The following SLC26A7 variants were observed in gnomAD, a reference collection of about 807,000 sequenced individuals.
The protein encoded by SLC26A7 is anion exchange transporter.
In SLC26A7, 59 loss-of-function variants were observed where a neutral mutation model predicts 82.5. The ratio of observed to expected loss-of-function variants is 0.72; its 90% CI spans 0.58 to 0.89. The LOEUF is 0.89. Ranked by LOEUF, SLC26A7 falls within the 40% of genes least tolerant of loss-of-function variation. The pLI is 0.00. For synonymous variants in SLC26A7, 271 were observed against 274.3 expected, an observed-to-expected ratio of 0.99 and a Z score of 0.12; for missense variants, 820 against 793.0, an observed-to-expected ratio of 1.03 and a Z score of -0.41.
At chr8:91,283,271 G>C (rs1811622700) in intron 2 of SLC26A7, among the ~76,000 whole-genome samples, 2 of 152,124 alleles carry the variant, frequency 1.3e-5, no homozygotes, top group Admixed American at 6.6e-5. Flanking sequence ...GTCCAGGAGG[G>C]GAGAGAGGGA....
At chr8:91,332,680 G>A (rs1813127161) in intron 5 of SLC26A7, among the ~76,000 whole-genome samples, 1 of 150,996 alleles carries the variant, frequency 6.6e-6, no homozygotes, top group African/African-American at 2.4e-5. Context: ...GCAGGTGCAT[G>A]CCACCATACC....
At chr8:91,390,177 C>G (rs981819207) in intron 16 of SLC26A7, among the ~76,000 whole-genome samples, 3 of 149,654 alleles carry the variant, frequency 2.0e-5, no homozygotes, top group South Asian at 4.3e-4. Context: ...GTGGCGCGAT[C>G]TCGGCTCACT....
chr8:91,308,118 T>A (rs1586390445), intron 4 of SLC26A7, among the ~76,000 whole-genome samples: 2 of 152,304 alleles, frequency 1.3e-5, no homozygotes, highest in South Asian at 2.1e-4. Flanking sequence ...TGAGACTTTT[T>A]AAATTTTTAA....
chr8:91,376,042 G>A (rs1284091108), intron 15 of SLC26A7, among the ~76,000 whole-genome samples: 4 of 152,052 alleles, frequency 2.6e-5, no homozygotes, highest in South Asian at 2.1e-4. Flanking sequence ...TTTCAAATGT[G>A]TTTTGAAATT....
intron 11 of SLC26A7, among the ~76,000 whole-genome samples, chr8:91,358,888 A>C (rs1813962752): frequency 6.6e-6 from 1 of 152,042 alleles, no homozygotes; most frequent in African/African-American, 2.4e-5. Flanking sequence ...CAATGAGAAC[A>C]CTCGGACACA....
intron 2 of SLC26A7, among the ~76,000 whole-genome samples, chr8:91,270,292 T>C (rs777831763): frequency 7.2e-5 from 11 of 152,208 alleles, no homozygotes; most frequent in Non-Finnish European, 1.3e-4. Flanking sequence ...CTTTCCATTC[T>C]GGGGAGAACT....
Position 91,396,305 on chromosome 8 carries a change from C to G in SLC26A7, c.*1208C>G, listed in dbSNP as rs1808572040. ...GCATAGACACATAATTATGCTTAAG[C>G]TTTTAACAGCATTTTAACCGCTCTA... On this transcript the variant is annotated 3_prime_UTR_variant, in exon 19 of 19. Transcript: ENST00000276609. 1 of 151,952 alleles carries G rather than the reference C, an allele frequency of 6.6e-6. No individual in the cohort carries two copies. The highest frequency in any genetic ancestry group is 2.4e-5 in the African/African-American group (1 of 41,406). 9.4% of individuals were successfully genotyped at this position (151,952 alleles called of 1,614,324 possible).
At chr8:91,335,851 G>T (rs948379041) in intron 6 of SLC26A7, among the ~76,000 whole-genome samples, 2 of 152,148 alleles carry the variant, frequency 1.3e-5, no homozygotes, top group Non-Finnish European at 2.9e-5. Context: ...AATTTTCCTA[G>T]TCGTTTATGT....
chr8:91,363,102 A>G (rs1814094945), intron 12 of SLC26A7, among the ~76,000 whole-genome samples: 1 of 152,072 alleles, frequency 6.6e-6, no homozygotes, highest in South Asian at 2.1e-4. Flanking sequence ...TAGAATTTAT[A>G]TATTCAGATT....
In SLC26A7 at chr8:91,366,596, T is replaced by A; in HGVS notation, c.1505T>A (p.Val502Glu). 1 of 1,612,932 alleles carries A rather than the reference T, an allele frequency of 6.2e-7. No individual in the cohort carries two copies. Among genetic ancestry groups the A allele is most frequent in the Non-Finnish European group, 8.5e-7 (1 of 1,179,702 alleles). ...TEMDSETLQQ[V>E]KIISINNPLV... ...CTCCAAAAGGAAACCCTGCAGCAGG[T>A]GAAAATTATCTCAATAAACAACCCG... Residue 502 changes from valine (V) to glutamate (E), a missense_variant, in exon 14 of 19, where the codon GTG (valine) becomes GAG (glutamate). By Grantham distance (121) the Val-to-Glu change is moderately radical. Transcript: ENST00000276609.
intron 15 of SLC26A7, among the ~76,000 whole-genome samples, chr8:91,379,419 A>G (rs1160312348): frequency 6.6e-6 from 1 of 152,134 alleles, no homozygotes; most frequent in African/African-American, 2.4e-5. Context: ...AAGATGTATT[A>G]TAAAGCTCTA....
chr8:91,278,460 G>A (rs1586354799), intron 2 of SLC26A7, among the ~76,000 whole-genome samples: 2 of 152,150 alleles, frequency 1.3e-5, no homozygotes, highest in South Asian at 4.1e-4. Flanking sequence ...ATAATATATA[G>A]AAGTATATAC....
chr8:91,318,506 A>G, intron 5 of SLC26A7, 126 bp downstream of exon 5: 1 of 765,794 alleles, frequency 1.3e-6, no homozygotes, highest in Non-Finnish European at 1.9e-6. Context: ...AAAATCTTAT[A>G]GGATATTTTG....
intron 4 of SLC26A7, among the ~76,000 whole-genome samples, chr8:91,310,287 C>T (rs930173040): frequency 1.3e-5 from 2 of 152,038 alleles, no homozygotes; most frequent in African/African-American, 4.8e-5. Flanking sequence ...GAGAAAAGTC[C>T]GGTGGTTCTG....
intron 5 of SLC26A7, among the ~76,000 whole-genome samples, chr8:91,332,867 TATAA>T (rs917944368): frequency 8.5e-5 from 13 of 152,276 alleles, no homozygotes; most frequent in African/African-American, 2.9e-4. Context: ...TTTGACTTAT[TATAA>T]ATATACTTTT....
rs1812938852 is a variant in SLC26A7 at position 91,326,625 on chromosome 8, AG to A, written c.643-7668del. Among the ~76,000 whole-genome samples, 3 of 152,196 alleles carry A rather than the reference AG, an allele frequency of 2.0e-5. No homozygotes were observed. In the South Asian group the frequency reaches 6.2e-4, roughly 32 times the overall value. On this transcript the variant is annotated intron_variant, in intron 5 of 18. Transcript: ENST00000276609. The stretch of plus-strand genomic sequence containing the variant: ...TAGGATTTGAACATATGAATATTGA[AG>A]GAACACAAGTCAGCCCATAATACTT...
chr8:91,290,807 A>G (rs1426004470), intron 3 of SLC26A7, among the ~76,000 whole-genome samples: 1 of 152,174 alleles, frequency 6.6e-6, no homozygotes, highest in African/African-American at 2.4e-5. Context: ...TTAACATAAC[A>G]TTTTATTTAT....
rs1303936034 is a variant in SLC26A7 at position 91,334,296 on chromosome 8, T to C, written c.644T>C (p.Ile215Thr). ...YISGPLGFFYIYAYVFENIKS... is the reference protein window; with the variant it reads ...YISGPLGFFYTYAYVFENIKS... ...TTGTATTTTTTCTCATTACTGTAGA[T>C]TTATGCATATGTTTTTGAAAACATC... Residue 215 changes from isoleucine (I) to threonine (T), a missense_variant and splice_region_variant, in exon 6 of 19, where the codon ATT (isoleucine) becomes ACT (threonine). Ile to Thr is a moderately conservative substitution (Grantham distance 89). Transcript: ENST00000276609. The C allele has an allele frequency of 1.9e-6, 3 of 1,607,056 alleles. No individual in the cohort carries two copies. The highest frequency in any genetic ancestry group is 1.3e-5 in the African/African-American group (1 of 74,484).
At chr8:91,302,520 T>G (rs1218244869) in intron 4 of SLC26A7, among the ~76,000 whole-genome samples, 4 of 152,152 alleles carry the variant, frequency 2.6e-5, no homozygotes, top group African/African-American at 9.6e-5. Flanking sequence ...TGTGATAGTT[T>G]CTGTGTTGTA....
Sources: allele counts gnomAD v4.1 joint callset (sites outside exome capture counted in the v4.1 genomes callset), GRCh38; gene constraint gnomAD v4.1.1; transcripts MANE v1.5; gene names NCBI Gene and HGNC (gene_info 2026-07-23, HGNC 2026-07-21).